STX8: variants seen among roughly 807,000 people sequenced by gnomAD.
STX8 encodes the protein syntaxin-8.
STX8 carries 23 observed loss-of-function variants against 37.5 expected under a neutral mutation model. The ratio of observed to expected loss-of-function variants is 0.61; its 90% CI spans 0.44 to 0.87. The LOEUF (loss-of-function observed/expected upper bound fraction) is 0.87, where lower values mean the gene tolerates loss of function less well. Among genes scored for constraint, STX8 ranks in the 40% least tolerant of loss-of-function variants. The pLI is 0.00. For synonymous variants in STX8, 115 were observed against 99.1 expected (o/e 1.16, Z -0.95); for missense variants, 313 against 284.7 (o/e 1.10, Z -0.71).
intron 7 of STX8, among the ~76,000 whole-genome samples, chr17:9,321,031 A>G (rs1909559189): frequency 6.6e-6 from 1 of 151,998 alleles, no homozygotes; most frequent in Non-Finnish European, 1.5e-5. Context: ...GAGAGACGAG[A>G]GAAGAGGTAG....
chr17:9,420,918 T>C (rs1394682889), intron 6 of STX8, among the ~76,000 whole-genome samples: 7 of 152,142 alleles, frequency 4.6e-5, no homozygotes, highest in Non-Finnish European at 8.8e-5. Context: ...TTAAGTACAT[T>C]AGGGGGTGGA....
chr17:9,488,263 T>C (rs1019068852), intron 6 of STX8, among the ~76,000 whole-genome samples: 4 of 150,618 alleles, frequency 2.7e-5, no homozygotes, highest in South Asian at 2.1e-4. Flanking sequence ...GAGATGGAGG[T>C]TGCAGTGAGC....
At chr17:9,378,873 C>T (rs772701224) in intron 6 of STX8, among the ~76,000 whole-genome samples, 38 of 152,000 alleles carry the variant, frequency 2.5e-4, no homozygotes, top group Middle Eastern at 6.8e-3. Flanking sequence ...TTCCAGCAGA[C>T]AGGAGAAATG....
chr17:9,403,313 GA>G (rs1302375988), intron 6 of STX8, among the ~76,000 whole-genome samples: 3 of 152,302 alleles, frequency 2.0e-5, no homozygotes, highest in South Asian at 4.1e-4. Context: ...TTACTTTAGA[GA>G]AAAGGGCATA....
chr17:9,253,483 T>C (rs1053503279), intron 7 of STX8, among the ~76,000 whole-genome samples: 1 of 152,040 alleles, frequency 6.6e-6, no homozygotes, highest in South Asian at 2.1e-4. Context: ...GACTTGGTCC[T>C]GGCTGGGTGA....
At chr17:9,377,673 G>A (rs1364745513) in intron 7 of STX8, among the ~76,000 whole-genome samples, 1 of 152,066 alleles carries the variant, frequency 6.6e-6, no homozygotes, top group Admixed American at 6.6e-5. Flanking sequence ...TGTTGCCCAG[G>A]CTGCTAATTT....
At chr17:9,416,164 GTTATT>G (rs2142342505) in intron 6 of STX8, among the ~76,000 whole-genome samples, 1 of 152,212 alleles carries the variant, frequency 6.6e-6, no homozygotes, top group African/African-American at 2.4e-5. Flanking sequence ...AAGCATGTGG[GTTATT>G]TTAAGTCATA....
chr17:9,335,138 G>A (rs1910095613), intron 7 of STX8, among the ~76,000 whole-genome samples: 1 of 152,028 alleles, frequency 6.6e-6, no homozygotes, highest in African/African-American at 2.4e-5. Context: ...CTTTAAAATA[G>A]CCAATCGGAA....
At chr17:9,475,815 C>T (rs186215717) in intron 6 of STX8, among the ~76,000 whole-genome samples, 13 of 152,356 alleles carry the variant, frequency 8.5e-5, no homozygotes, top group Non-Finnish European at 1.8e-4. Context: ...ACTGGCATAT[C>T]TTGCCCATTT....
chr17:9,525,605 C>A (rs1031066357), intron 4 of STX8, among the ~76,000 whole-genome samples: 1 of 152,178 alleles, frequency 6.6e-6, no homozygotes, highest in South Asian at 2.1e-4. Flanking sequence ...CTCAGCCTCC[C>A]AAAGTGCTGG....
chr17:9,457,665 G>A (rs1231432492), intron 6 of STX8, among the ~76,000 whole-genome samples: 2 of 152,244 alleles, frequency 1.3e-5, no homozygotes, highest in African/African-American at 4.8e-5. Context: ...CTCAATGAGG[G>A]CTTTGCCCTC....
At chr17:9,311,236 CAA>C (rs1217019833) in intron 7 of STX8, among the ~76,000 whole-genome samples, 10,585 of 82,880 alleles carry the variant, frequency 0.13, 1,222 homozygotes, top group African/African-American at 0.34. Flanking sequence ...GACTCCGTCT[CAA>C]AAAAAAAAAA....
chr17:9,384,857 A>G (rs549346677), intron 6 of STX8, among the ~76,000 whole-genome samples: 18 of 150,938 alleles, frequency 1.2e-4, no homozygotes, highest in Non-Finnish European at 2.5e-4. Flanking sequence ...TCAACAAAGG[A>G]AAGAAAATTC....
intron 7 of STX8, among the ~76,000 whole-genome samples, chr17:9,297,302 G>T (rs532384117): frequency 6.6e-6 from 1 of 151,236 alleles, no homozygotes; most frequent in South Asian, 2.1e-4. Flanking sequence ...GTGGTTTAGT[G>T]AGTATAGAAA....
intron 7 of STX8, among the ~76,000 whole-genome samples, chr17:9,253,796 G>A (rs867104840): frequency 5.3e-5 from 8 of 152,288 alleles, no homozygotes; most frequent in Middle Eastern, 6.8e-3. Flanking sequence ...ATGAATGACC[G>A]TGAATTGTCA....
intron 7 of STX8, among the ~76,000 whole-genome samples, chr17:9,329,443 G>C (rs1043085066): frequency 6.6e-6 from 1 of 152,210 alleles, no homozygotes; most frequent in Non-Finnish European, 1.5e-5. Flanking sequence ...TTTCTACAGT[G>C]CCACTTGGCT....
intron 6 of STX8, chr17:9,468,993 C>T (rs1220929946): frequency 1.3e-5 from 2 of 152,222 alleles, no homozygotes; most frequent in African/African-American, 2.4e-5. Context: ...TGCCTCAATG[C>T]CTCTATGGAG....
intron 7 of STX8, among the ~76,000 whole-genome samples, chr17:9,334,758 T>C (rs1383695272): frequency 1.3e-5 from 2 of 152,172 alleles, no homozygotes; most frequent in African/African-American, 4.8e-5. Flanking sequence ...CATGGCACTC[T>C]GATGAGGGTC....
intron 6 of STX8, among the ~76,000 whole-genome samples, chr17:9,431,730 CA>C (rs2142372626): frequency 6.6e-6 from 1 of 152,266 alleles, no homozygotes; most frequent in African/African-American, 2.4e-5. Flanking sequence ...TTAAGAACAG[CA>C]GGTTAGCAAC....
Sources: gnomAD v4.1 joint callset for allele counts (sites outside exome capture counted in the v4.1 genomes callset) on GRCh38, gnomAD v4.1.1 for gene constraint, MANE v1.5 for transcripts, NCBI Gene and HGNC (gene_info 2026-07-23, HGNC 2026-07-21) for gene names.